Variants in CRPPA observed in about 807,000 individuals in gnomAD.
CRPPA encodes D-ribitol-5-phosphate cytidylyltransferase.
A neutral mutation model predicts 52.0 loss-of-function variants in CRPPA; 43 were observed. The ratio of observed to expected loss-of-function variants is 0.83; its 90% CI spans 0.65 to 1.07. CRPPA has a LOEUF of 1.07. Ranked by LOEUF, CRPPA falls within the 50% of genes least tolerant of loss-of-function variation. CRPPA has a pLI of 0.00. For synonymous variants in CRPPA, 250 were observed against 203.5 expected, an observed-to-expected ratio of 1.23 and a Z score of -1.94; for missense variants, 629 against 551.7, an observed-to-expected ratio of 1.14 and a Z score of -1.40.
intron 2 of CRPPA, among the ~76,000 whole-genome samples, chr7:16,382,002 A>G (rs1334821074): frequency 6.6e-6 from 1 of 151,782 alleles, no homozygotes; most frequent in Admixed American, 6.6e-5. Context: ...TTTAAAGTTA[A>G]TATTGTTATG....
intron 9 of CRPPA, among the ~76,000 whole-genome samples, chr7:16,189,705 A>G (rs1423391307): frequency 6.6e-6 from 1 of 152,208 alleles, no homozygotes; most frequent in Non-Finnish European, 1.5e-5. Flanking sequence ...ATTCATTGTG[A>G]ATGTGTATTT....
intron 3 of CRPPA, among the ~76,000 whole-genome samples, chr7:16,316,797 C>T (rs772867770): frequency 5.9e-5 from 9 of 152,058 alleles, no homozygotes; most frequent in Non-Finnish European, 1.3e-4. Context: ...TTCGAGGCTG[C>T]AGTGAACCAC....
intron 2 of CRPPA, among the ~76,000 whole-genome samples, chr7:16,387,875 A>C (rs1391139473): frequency 6.6e-6 from 1 of 152,250 alleles, no homozygotes; most frequent in Non-Finnish European, 1.5e-5. Flanking sequence ...TCTAGAACAG[A>C]CCATATGCTG....
intron 3 of CRPPA, among the ~76,000 whole-genome samples, chr7:16,350,609 T>A (rs1001286933): frequency 6.6e-6 from 1 of 152,066 alleles, no homozygotes; most frequent in Non-Finnish European, 1.5e-5. Context: ...ATCATAGATA[T>A]ACAAATGATT....
At chr7:16,279,489 T>A (rs1247118013) in intron 5 of CRPPA, among the ~76,000 whole-genome samples, 2 of 152,142 alleles carry the variant, frequency 1.3e-5, no homozygotes, top group African/African-American at 4.8e-5. Context: ...ACATGAGTAG[T>A]AGAAAAAGGA....
At chr7:16,376,296 A>C in intron 2 of CRPPA, 55 bp from the exon 3 acceptor site, 12 of 1,517,894 alleles carry the variant, frequency 7.9e-6, no homozygotes, top group Middle Eastern at 3.5e-4. Flanking sequence ...TTTAAAGTGA[A>C]ATTCTGAATT....
chr7:16,345,869 A>T (rs1008355519), intron 3 of CRPPA, among the ~76,000 whole-genome samples: 2 of 152,194 alleles, frequency 1.3e-5, no homozygotes, highest in African/African-American at 4.8e-5. Context: ...TATCCTCCAG[A>T]GTCCAAATGA....
intron 9 of CRPPA, among the ~76,000 whole-genome samples, chr7:16,139,791 T>C (rs1261693204): frequency 6.6e-6 from 1 of 152,174 alleles, no homozygotes; most frequent in Non-Finnish European, 1.5e-5. Context: ...TGCCACATGA[T>C]TTAAGAATTA....
chr7:16,236,645 G>A (rs1782957969), intron 8 of CRPPA, among the ~76,000 whole-genome samples: 1 of 151,970 alleles, frequency 6.6e-6, no homozygotes. Flanking sequence ...TTAATCCTAA[G>A]GCAACAGCAT....
intron 9 of CRPPA, among the ~76,000 whole-genome samples, chr7:16,196,245 T>C (rs1441634969): frequency 6.6e-6 from 1 of 152,152 alleles, no homozygotes; most frequent in African/African-American, 2.4e-5. Flanking sequence ...CTTATGCATG[T>C]GAAGTTAGTT....
intron 5 of CRPPA, 113 bp from the exon 6 acceptor site, chr7:16,278,339 G>A: frequency 1.6e-6 from 1 of 624,476 alleles, no homozygotes; most frequent in Non-Finnish European, 2.8e-6. Context: ...GAATAGGGAG[G>A]TTTTGATTTC....
At chr7:16,311,730 C>T (rs574117087) in intron 3 of CRPPA, among the ~76,000 whole-genome samples, 1 of 152,182 alleles carries the variant, frequency 6.6e-6, no homozygotes, top group East Asian at 1.9e-4. Context: ...GTGACTGTCA[C>T]TTTGCATTTG....
At chr7:16,202,221 C>T (rs1010021855) in intron 9 of CRPPA, among the ~76,000 whole-genome samples, 10 of 152,070 alleles carry the variant, frequency 6.6e-5, no homozygotes, top group African/African-American at 2.4e-4. Context: ...ATGATACTAG[C>T]CTACAATTTG....
At chr7:16,370,220 A>G (rs1786713329) in intron 3 of CRPPA, among the ~76,000 whole-genome samples, 1 of 152,236 alleles carries the variant, frequency 6.6e-6, no homozygotes, top group Non-Finnish European at 1.5e-5. Flanking sequence ...ACTCCCTTGA[A>G]CAGAACCCAA....
intron 9 of CRPPA, 89 bp downstream of exon 9, chr7:16,215,977 A>C (rs4389828): frequency 9.6e-7 from 1 of 1,037,500 alleles, no homozygotes; most frequent in African/African-American, 1.6e-5. Context: ...TCACTTATCA[A>C]TAATATCCTC....
chr7:16,233,534 C>A (rs978080149), intron 8 of CRPPA, among the ~76,000 whole-genome samples: 1 of 152,162 alleles, frequency 6.6e-6, no homozygotes, highest in South Asian at 2.1e-4. Context: ...GGACCTAAAT[C>A]AAACTTCTAG....
chr7:16,323,476 T>C (rs1785307441), intron 3 of CRPPA, among the ~76,000 whole-genome samples: 1 of 152,138 alleles, frequency 6.6e-6, no homozygotes, highest in Non-Finnish European at 1.5e-5. Context: ...ACCTCTGCTA[T>C]CTCCATGAGA....
chr7:16,270,196 T>C (rs1784059387), intron 6 of CRPPA: 5 of 152,186 alleles, frequency 3.3e-5, no homozygotes, highest in African/African-American at 1.2e-4. Context: ...AAGCTTAGTA[T>C]AATGGTTGTC....
intron 8 of CRPPA, among the ~76,000 whole-genome samples, chr7:16,254,233 A>G (rs1031502900): frequency 6.6e-6 from 1 of 152,184 alleles, no homozygotes; most frequent in African/African-American, 2.4e-5. Flanking sequence ...AGATCCCATT[A>G]CTGGGTATAT....
Sources: gnomAD v4.1 joint callset for allele counts (sites outside exome capture counted in the v4.1 genomes callset) on GRCh38, gnomAD v4.1.1 for gene constraint, MANE v1.5 for transcripts, NCBI Gene and HGNC (gene_info 2026-07-23, HGNC 2026-07-21) for gene names.